EPRS1: variants seen among roughly 807,000 people sequenced by gnomAD.
EPRS1 encodes the protein bifunctional glutamate/proline--tRNA ligase.
EPRS1 carries 107 observed loss-of-function variants against 188.3 expected under a neutral mutation model. The ratio of observed to expected loss-of-function variants is 0.57; its 90% CI spans 0.49 to 0.67. EPRS1 has a LOEUF of 0.67. EPRS1 is among the 30% of genes least tolerant of loss of function. EPRS1 has a pLI of 0.00. For missense variants in EPRS1, 1,577 were observed against 1,802.2 expected (o/e 0.88, Z 2.26); for synonymous variants, 596 against 593.1 (o/e 1.00, Z -0.07).
At chr1:219,971,963 T>C (rs1203205760) in intron 30 of EPRS1, 106 bp downstream of exon 30, 1 of 519,534 alleles carries the variant, frequency 1.9e-6, no homozygotes, top group East Asian at 3.1e-5. Flanking sequence ...TATCTTTTTA[T>C]GTGATTGGCT....
intron 18 of EPRS1, among the ~76,000 whole-genome samples, chr1:219,989,089 C>G (rs1661069851): frequency 6.6e-6 from 1 of 152,086 alleles, no homozygotes; most frequent in South Asian, 2.1e-4. Flanking sequence ...AATAGAACAT[C>G]TAAGTAAACT....
chr1:220,016,811 AAGTT>A (rs1313032583), intron 12 of EPRS1, among the ~76,000 whole-genome samples: 1 of 151,496 alleles, frequency 6.6e-6, no homozygotes, highest in Admixed American at 6.6e-5. Flanking sequence ...GCAAACCAAA[AAGTT>A]AGGAGAAAAA....
In EPRS1 at chr1:219,984,253, C is replaced by A. The variant is rs148461625; in HGVS notation, c.3043G>T (p.Gly1015Cys). The A allele has an allele frequency of 6.2e-7, 1 of 1,611,830 alleles. No homozygotes were observed. Among genetic ancestry groups the A allele is most frequent in the East Asian group, 2.2e-5 (1 of 44,808 alleles). The change falls in exon 21 of 32, where the codon GGT (glycine) becomes TGT (cysteine). Residue 1015 changes from glycine to cysteine, a missense_variant. Gly to Cys is a radical substitution (Grantham distance 159). Around this residue, in one of 3 missense-constraint regions of EPRS1, gnomAD observed 1,278 missense variants for 1,457.4 expected, o/e 0.88. Transcript: ENST00000366923. ...GQGPKKQTRL[G>C]LEAKKEENLA... ...TTTTCTTCTTTTTTTGCCTCAAGACCCAACCTGCAGATGTGAAAAGTAAAA... is the reference window on the plus strand; with the variant it reads ...TTTTCTTCTTTTTTTGCCTCAAGACACAACCTGCAGATGTGAAAAGTAAAA...
At chr1:220,045,425 G>T (rs1434198330) in intron 1 of EPRS1, among the ~76,000 whole-genome samples, 1 of 152,034 alleles carries the variant, frequency 6.6e-6, no homozygotes, top group Non-Finnish European at 1.5e-5. Context: ...GATCATCTGA[G>T]CCCGGAAGTT....
At chr1:219,969,646 G>C (rs898069072) in intron 30 of EPRS1, among the ~76,000 whole-genome samples, 6 of 123,954 alleles carry the variant, frequency 4.8e-5, no homozygotes, top group Non-Finnish European at 8.8e-5. Context: ...AAATCATTTT[G>C]TGTAAGGAAA....
rs532593252 is a variant in EPRS1, at chr1:219,990,826, T to C, written c.2542-2003A>G. On this transcript the variant is annotated intron_variant, in intron 18 of 31. Coordinates refer to ENST00000366923, the MANE Select transcript of EPRS1 (RefSeq NM_004446.3). ...ATCAAAAGGCATTTACAAAGAGGAA[T>C]TGGGTGGTATACTATGATTTAGTAC... 5.9e-5 allele frequency among the ~76,000 whole-genome samples: 9 copies of C among 152,262 alleles called. No homozygotes were observed. The East Asian group carries it at 7.7e-4, about 13-fold the overall frequency.
intron 15 of EPRS1, among the ~76,000 whole-genome samples, 188 bp downstream of exon 15, chr1:220,005,918 T>C (rs1432580905): frequency 1.4e-5 from 2 of 143,470 alleles, no homozygotes; most frequent in Non-Finnish European, 3.0e-5. Flanking sequence ...GATCCACCCA[T>C]CTTGGCTTCC....
Position 220,033,548 on chromosome 1 carries a change from T to A in EPRS1, c.342A>T (p.Gly114=). ...ATAAATCTGCTAAACTCAAGGAGTT[T>A]CCAACTAAGTATGTTCTCAGAGACA... ...HCLSLRTYLV[G]NSLSLADLCV... Residue 114 remains glycine, a synonymous_variant, in exon 4 of 32, where the codon GGA becomes GGT. Coordinates refer to ENST00000366923, the MANE Select transcript of EPRS1 (RefSeq NM_004446.3). 1 of 1,612,874 alleles carries A rather than the reference T, an allele frequency of 6.2e-7. No homozygotes were observed. The highest frequency in any genetic ancestry group is 1.3e-5 in the African/African-American group (1 of 75,006).
chr1:220,023,778 T>C (rs1661919558), intron 8 of EPRS1, among the ~76,000 whole-genome samples: 1 of 152,188 alleles, frequency 6.6e-6, no homozygotes, highest in Non-Finnish European at 1.5e-5. Context: ...AGTTGTGATG[T>C]TAATAAAATA....
chr1:220,032,144 G>A (rs923839822), intron 5 of EPRS1, among the ~76,000 whole-genome samples: 12 of 151,528 alleles, frequency 7.9e-5, no homozygotes, highest in African/African-American at 1.9e-4. Flanking sequence ...GCGCGATCTC[G>A]GCTCACTGCA....
chr1:220,022,794 A>G (rs971210889), intron 8 of EPRS1, among the ~76,000 whole-genome samples: 1 of 152,202 alleles, frequency 6.6e-6, no homozygotes, highest in Non-Finnish European at 1.5e-5. Context: ...GCATAAGAAA[A>G]AGTACAAGGC....
At chr1:219,987,930 T>C (rs1661036710) in intron 19 of EPRS1, among the ~76,000 whole-genome samples, 1 of 152,232 alleles carries the variant, frequency 6.6e-6, no homozygotes, top group African/African-American at 2.4e-5. Flanking sequence ...TGTTATAGCA[T>C]ATTTCCATCA....
chr1:220,032,341 C>A (rs1223218023), intron 5 of EPRS1, 46 bp downstream of exon 5: 2 of 1,524,418 alleles, frequency 1.3e-6, no homozygotes, highest in Non-Finnish European at 1.8e-6. Flanking sequence ...CCGCCTCAGC[C>A]TCCCAAAGTG....
intron 13 of EPRS1, among the ~76,000 whole-genome samples, chr1:220,010,604 G>C (rs1296465257): frequency 6.6e-6 from 1 of 152,080 alleles, no homozygotes; most frequent in Non-Finnish European, 1.5e-5. Flanking sequence ...GAGGTCAGGA[G>C]ATTGAGACCA....
At chr1:220,032,686 CAGTT>C (rs1318734276) in intron 4 of EPRS1, among the ~76,000 whole-genome samples, 160 bp from the exon 5 acceptor site, 2 of 152,096 alleles carry the variant, frequency 1.3e-5, no homozygotes, top group South Asian at 2.1e-4. Context: ...TTTTCTAAAA[CAGTT>C]AGCTCTCTGT....
chr1:219,978,430 A>T, intron 28 of EPRS1, 116 bp downstream of exon 28: 1 of 744,488 alleles, frequency 1.3e-6, no homozygotes, highest in Non-Finnish European at 2.1e-6. Flanking sequence ...AAGAAAACTC[A>T]CAACTATCAA....
intron 30 of EPRS1, among the ~76,000 whole-genome samples, chr1:219,971,593 T>G (rs996291892): frequency 3.6e-4 from 54 of 151,958 alleles, no homozygotes; most frequent in Middle Eastern, 3.4e-3. Flanking sequence ...ATGGTTACTT[T>G]AGGAACTTAC....
chr1:220,040,233 A>C lies in EPRS1; in HGVS notation c.83T>G (p.Val28Gly). ...TTTCCCTTCTTCAACGGAAATGCTG[A>C]CATCGTCTTTCACGTGTTCTACTGC... ...LLAVEHVKDD[V>G]SISVEEGKEN... The change falls in exon 2 of 32, where the codon GTC (valine) becomes GGC (glycine). Residue 28 changes from valine to glycine, a missense_variant. By Grantham distance (109) the Val-to-Gly change is moderately radical. This residue lies in a region of EPRS1 where 1,278 missense variants were observed against 1,457.4 expected (regional missense o/e 0.88). Coordinates refer to ENST00000366923, the MANE Select transcript of EPRS1 (RefSeq NM_004446.3). The C allele has an allele frequency of 6.2e-7, 1 of 1,610,608 alleles. No individual in the cohort carries two copies. Among genetic ancestry groups the C allele is most frequent in the Admixed American group, 1.7e-5 (1 of 59,860 alleles).
rs79129348 is a variant in EPRS1, at chr1:220,033,907, G to A, written c.232-249C>T. 5.4e-3 allele frequency among the ~76,000 whole-genome samples: 801 copies of A among 149,298 alleles called. 7 individuals carry two copies. The highest frequency in any genetic ancestry group is 0.019 in the African/African-American group (777 of 40,558). ...TTTTTTTTTTTTACAGGAGTGTGGC[G>A]GGGCACTTCAGGAAAGAACAGGAAA... is the stretch of plus-strand genomic sequence containing the variant. On this transcript the variant is annotated intron_variant, in intron 3 of 31. Coordinates refer to ENST00000366923, the MANE Select transcript of EPRS1 (RefSeq NM_004446.3).
Sources: gnomAD v4.1 joint callset for allele counts (sites outside exome capture counted in the v4.1 genomes callset) on GRCh38, gnomAD v4.1.1 for gene constraint, gnomAD v4.1.1 regional missense constraint, MANE v1.5 for transcripts, NCBI Gene and HGNC (gene_info 2026-07-23, HGNC 2026-07-21) for gene names.